Variants in EML5 observed in about 807,000 individuals in gnomAD.
The protein encoded by EML5 is EMAP like 5.
A neutral mutation model predicts 250.0 loss-of-function variants in EML5; 120 were observed. The ratio of observed to expected loss-of-function variants is 0.48; its 90% CI spans 0.41 to 0.56. The LOEUF is 0.56. EML5 is among the 20% of genes least tolerant of loss of function. The pLI is 0.00. For missense variants in EML5, 2,006 were observed against 2,437.6 expected (o/e 0.82, Z 3.73); for synonymous variants, 771 against 806.5 (o/e 0.96, Z 0.75).
At chr14:88,781,434 C>A (rs1487790232) in intron 1 of EML5, among the ~76,000 whole-genome samples, 1 of 152,190 alleles carries the variant, frequency 6.6e-6, no homozygotes, top group Non-Finnish European at 1.5e-5. Context: ...TCCCACCTTG[C>A]ACACACCACA....
At chr14:88,678,586 T>G (rs1382085017) in intron 21 of EML5, among the ~76,000 whole-genome samples, 1 of 152,170 alleles carries the variant, frequency 6.6e-6, no homozygotes, top group African/African-American at 2.4e-5. Context: ...GCTTTCAAAT[T>G]TTTGTTAATT....
Position 88,624,952 on chromosome 14 carries a change from AAAAG to A in EML5, c.4898+14_4898+17del. The A allele has an allele frequency of 1.2e-6, 2 of 1,611,694 alleles. No individual in the cohort carries two copies. The highest frequency in any genetic ancestry group is 1.7e-5 in the Admixed American group (1 of 59,562). ...GTCACAAATGCATAAATATTCTGTGAAAAGAAAGAGGACTCACGGCCTTTCCTTT... is the reference window on the plus strand; with the variant it reads ...GTCACAAATGCATAAATATTCTGTGAAAAGAGGACTCACGGCCTTTCCTTT... On this transcript the variant is annotated intron_variant, in intron 36 of 43. Transcript: ENST00000554922.
chr14:88,761,045 T>C (rs2094234054), intron 1 of EML5, among the ~76,000 whole-genome samples: 1 of 152,156 alleles, frequency 6.6e-6, no homozygotes, highest in African/African-American at 2.4e-5. Flanking sequence ...GTAGTGTTTT[T>C]TGTGTGAGTT....
At position 88,705,554 on chromosome 14, in the gene EML5, A is replaced by T. The variant is rs771718828; in HGVS notation, c.1860T>A (p.Asp620Glu). The change falls in exon 12 of 44, where the codon GAT becomes GAA. Residue 620 changes from aspartate to glutamate, a missense_variant. Coordinates refer to ENST00000554922, the MANE Select transcript of EML5 (RefSeq NM_183387.3). ...SLADSHSDES[D>E]SDLSDVPELD... Reference sequence around the variant, plus strand: ...GTTCTGGAACATCAGACAGATCTGAATCTGATTCATCACTATGAGAGTCAG... The same window carrying T: ...GTTCTGGAACATCAGACAGATCTGATTCTGATTCATCACTATGAGAGTCAG... 1.9e-6 allele frequency: 3 copies of T among 1,600,136 alleles called. No homozygotes were observed. The highest frequency in any genetic ancestry group is 2.6e-6 in the Non-Finnish European group (3 of 1,172,468).
chr14:88,731,931 AT>A (rs2093765310), intron 7 of EML5, among the ~76,000 whole-genome samples: 1 of 151,968 alleles, frequency 6.6e-6, no homozygotes, highest in Non-Finnish European at 1.5e-5. Flanking sequence ...TTTCTAGTAA[AT>A]TTGTTTGAGT....
chr14:88,730,633 C>G (rs1450523723), intron 7 of EML5, among the ~76,000 whole-genome samples: 1 of 152,152 alleles, frequency 6.6e-6, no homozygotes, highest in Non-Finnish European at 1.5e-5. Context: ...ACAGATGTTA[C>G]AGATACTACT....
rs1411128248 is a variant in EML5, at chr14:88,638,980, A to G, written c.4238-73T>C. ...CAGCCAAAAGCACTTACCCAGAACA[A>G]TAAACTACTCTTTAACTTATTTGCT... On this transcript the variant is annotated intron_variant, in intron 31 of 43. Coordinates refer to ENST00000554922, the MANE Select transcript of EML5 (RefSeq NM_183387.3). 3.7e-6 allele frequency: 4 copies of G among 1,086,484 alleles called. No homozygotes were observed. In the African/African-American group the frequency reaches 4.8e-5, roughly 13 times the overall value. 67.3% of individuals were successfully genotyped at this position (1,086,484 alleles called of 1,614,324 possible).
At chr14:88,622,982 C>A (rs575873328) in intron 36 of EML5, 11 of 267,708 alleles carry the variant, frequency 4.1e-5, no homozygotes, top group South Asian at 1.1e-4. Flanking sequence ...TTAGCCTCTA[C>A]AATACATTAC....
intron 29 of EML5, among the ~76,000 whole-genome samples, chr14:88,645,956 CTTTAA>C (rs2091329069): frequency 6.6e-6 from 1 of 152,078 alleles, no homozygotes; most frequent in African/African-American, 2.4e-5. Flanking sequence ...TCTCTAGAAC[CTTTAA>C]TTTTTTTAAA....
At position 88,698,238 on chromosome 14, in the gene EML5, A is replaced by G. The variant is rs1406546454; in HGVS notation, c.2239-1286T>C. On this transcript the variant is annotated intron_variant, in intron 14 of 43. Transcript: ENST00000554922. ...TTGATGCTTTTGATGATTTTACTGT[A>G]CTACTCTCTTCTGGTTCTCCAGTTT... is the stretch of plus-strand genomic sequence containing the variant. 2.0e-5 allele frequency among the ~76,000 whole-genome samples: 3 copies of G among 146,734 alleles called. No individual in the cohort carries two copies. In the East Asian group the frequency reaches 5.9e-4, roughly 29 times the overall value.
At chr14:88,762,711 C>T (rs1299632672) in intron 1 of EML5, among the ~76,000 whole-genome samples, 2 of 152,188 alleles carry the variant, frequency 1.3e-5, no homozygotes, top group African/African-American at 4.8e-5. Context: ...AATATACACT[C>T]TTCTTAGCAC....
chr14:88,705,272 TAGA>T (rs1170189179), intron 12 of EML5, among the ~76,000 whole-genome samples: 2 of 151,914 alleles, frequency 1.3e-5, no homozygotes, highest in Non-Finnish European at 2.9e-5. Flanking sequence ...TATAGGCAAA[TAGA>T]AGGCAAGCAT....
intron 29 of EML5, among the ~76,000 whole-genome samples, chr14:88,645,407 GTTAAT>G (rs1259593449): frequency 6.6e-6 from 1 of 152,172 alleles, no homozygotes. Flanking sequence ...ATGTGAAAAT[GTTAAT>G]TTAACATACT....
chr14:88,769,639 A>G (rs1388508727), intron 1 of EML5, among the ~76,000 whole-genome samples: 1 of 152,242 alleles, frequency 6.6e-6, no homozygotes, highest in Non-Finnish European at 1.5e-5. Flanking sequence ...CTTATTTACA[A>G]AAAATAGGTG....
intron 1 of EML5, among the ~76,000 whole-genome samples, chr14:88,764,765 T>C (rs1010290321): frequency 2.0e-5 from 3 of 152,234 alleles, no homozygotes; most frequent in Non-Finnish European, 4.4e-5. Flanking sequence ...TTTTGATATG[T>C]TGTATTTTCA....
chr14:88,711,999 A>T (rs2093416248), intron 10 of EML5, among the ~76,000 whole-genome samples: 1 of 152,186 alleles, frequency 6.6e-6, no homozygotes, highest in South Asian at 2.1e-4. Flanking sequence ...GAAAGAATTC[A>T]CGAAGTGAAA....
Position 88,792,822 on chromosome 14 carries a change from C to T in EML5, c.-319G>A. On this transcript the variant is annotated 5_prime_UTR_variant, in exon 1 of 44. Coordinates refer to ENST00000554922, the MANE Select transcript of EML5 (RefSeq NM_183387.3). This position sits in a 1 kb window ranked among gnomAD's most constrained non-coding sequence, Gnocchi z 6.9. ...CGCCTGGGCCGAGAGCGAGGGCCCG[C>T]CTCCAGCTCCTCAGCCGCCGCCCGC... 3 of 841,792 alleles carry T rather than the reference C, an allele frequency of 3.6e-6. No homozygotes were observed. The highest frequency in any genetic ancestry group is 4.3e-6 in the Non-Finnish European group (3 of 695,766). 52.1% of individuals were successfully genotyped at this position (841,792 alleles called of 1,614,324 possible).
In EML5 at chr14:88,691,548, C is replaced by T. The variant is rs991873002; in HGVS notation, c.2539+2759G>A. Reference sequence around the variant, plus strand: ...ACATTATTATTGCATCAAAAACTTTCAGAGGCTCCCCATCCCTCTGTCCCT... The same window carrying T: ...ACATTATTATTGCATCAAAAACTTTTAGAGGCTCCCCATCCCTCTGTCCCT... On this transcript the variant is annotated intron_variant, in intron 17 of 43. Transcript: ENST00000554922. Among the ~76,000 whole-genome samples the T allele has an allele frequency of 9.9e-5, 15 of 152,268 alleles. No homozygotes were observed. The South Asian group carries it at 1.2e-3, about 13-fold the overall frequency.
intron 6 of EML5, among the ~76,000 whole-genome samples, chr14:88,737,861 A>G (rs1216999304): frequency 6.6e-6 from 1 of 152,198 alleles, no homozygotes; most frequent in Non-Finnish European, 1.5e-5. Flanking sequence ...CTCAATTAGT[A>G]AATTACCTTT....
Sources: allele counts gnomAD v4.1 joint callset (sites outside exome capture counted in the v4.1 genomes callset), GRCh38; gene constraint gnomAD v4.1.1; non-coding constraint Gnocchi (gnomAD v3.1); transcripts MANE v1.5; gene names NCBI Gene and HGNC (gene_info 2026-07-23, HGNC 2026-07-21).